The following GPHN variants were observed in gnomAD, a reference collection of about 807,000 sequenced individuals.
GPHN encodes gephyrin.
A neutral mutation model predicts 95.5 loss-of-function variants in GPHN; 17 were observed. The observed-to-expected ratio is 0.18, with a 90% CI of 0.12 to 0.27. GPHN has a LOEUF of 0.27. Among genes scored for constraint, GPHN ranks in the 10% least tolerant of loss-of-function variants. The probability of loss-of-function intolerance (pLI) is 1.00; values close to 1 mark genes in which losing one functional copy is unlikely to be tolerated. For synonymous variants in GPHN, 320 were observed against 322.5 expected (o/e 0.99, Z 0.08); for missense variants, 660 against 978.1 (o/e 0.67, Z 4.34).
At chr14:67,095,688 C>G (rs1272930747) in intron 12 of GPHN, among the ~76,000 whole-genome samples, 1 of 151,810 alleles carries the variant, frequency 6.6e-6, no homozygotes, top group Non-Finnish European at 1.5e-5. Flanking sequence ...GACAAAAAAC[C>G]AAACACCGCA....
At chr14:67,206,975 C>T in the GPHN span, among the ~76,000 whole-genome samples, 1 of 151,992 alleles carries the variant, frequency 6.6e-6, no homozygotes, top group Non-Finnish European at 1.5e-5. Flanking sequence ...AGTGATCCAC[C>T]CACCTTGGCA....
chr14:67,540,948 C>T, the GPHN span, among the ~76,000 whole-genome samples: 2 of 152,178 alleles, frequency 1.3e-5, no homozygotes, highest in Non-Finnish European at 2.9e-5. Context: ...CCTGGCTGGA[C>T]ATACTATAGG....
the GPHN span, chr14:67,199,363 C>T: frequency 1.9e-6 from 3 of 1,614,092 alleles, no homozygotes; most frequent in Non-Finnish European, 2.5e-6. Flanking sequence ...TAGGGGCCAA[C>T]ATTTTCAATG....
chr14:66,550,517 G>A (rs1384681659), intron 1 of GPHN, among the ~76,000 whole-genome samples: 1 of 152,184 alleles, frequency 6.6e-6, no homozygotes, highest in Non-Finnish European at 1.5e-5. Context: ...GACAACAAAG[G>A]GTTTTAATTA....
intron 1 of GPHN, among the ~76,000 whole-genome samples, chr14:66,628,621 T>C (rs769556033): frequency 1.3e-5 from 2 of 152,164 alleles, no homozygotes; most frequent in Non-Finnish European, 2.9e-5. Context: ...AAACAATGTA[T>C]ACTTAACTAC....
intron 11 of GPHN, among the ~76,000 whole-genome samples, chr14:67,074,147 A>G (rs2076409732): frequency 6.6e-6 from 1 of 151,824 alleles, no homozygotes; most frequent in Non-Finnish European, 1.5e-5. Flanking sequence ...TATGAATGTT[A>G]TACATGCATA....
At chr14:66,712,058 C>G (rs941545488) in intron 2 of GPHN, among the ~76,000 whole-genome samples, 82 of 152,168 alleles carry the variant, frequency 5.4e-4, no homozygotes, top group African/African-American at 1.9e-3. Flanking sequence ...CATACATGTG[C>G]ATATGTCTTT....
intron 3 of GPHN, among the ~76,000 whole-genome samples, chr14:66,778,638 A>G (rs1475778391): frequency 6.6e-6 from 1 of 151,866 alleles, no homozygotes. Context: ...AAACTTTTCA[A>G]TATCAAGTTC....
chr14:66,877,326 C>T (rs973736711), intron 4 of GPHN, among the ~76,000 whole-genome samples: 2 of 152,208 alleles, frequency 1.3e-5, no homozygotes, highest in Non-Finnish European at 2.9e-5. Flanking sequence ...AAAACTGGCA[C>T]TAGACAAGGA....
chr14:67,531,637 A>G, the GPHN span, among the ~76,000 whole-genome samples: 3 of 150,728 alleles, frequency 2.0e-5, no homozygotes, highest in African/African-American at 7.3e-5. Flanking sequence ...TTCTGGGCCG[A>G]GGTGCGGTGG....
At chr14:67,003,758 T>G (rs1380407811) in intron 9 of GPHN, among the ~76,000 whole-genome samples, 2 of 151,776 alleles carry the variant, frequency 1.3e-5, no homozygotes, top group African/African-American at 4.8e-5. Context: ...TTGCTGCCTC[T>G]TCCTGGTAAA....
intron 3 of GPHN, among the ~76,000 whole-genome samples, chr14:66,783,165 A>G (rs2153464849): frequency 6.6e-6 from 1 of 152,300 alleles, no homozygotes; most frequent in East Asian, 1.9e-4. Flanking sequence ...ACCAATGGAA[A>G]AACTGTTCAG....
At chr14:66,651,157 T>C (rs1261567333) in intron 1 of GPHN, among the ~76,000 whole-genome samples, 4 of 152,170 alleles carry the variant, frequency 2.6e-5, no homozygotes, top group Non-Finnish European at 5.9e-5. Flanking sequence ...TTTAGGAGAA[T>C]AGTTCTTTTC....
intron 4 of GPHN, among the ~76,000 whole-genome samples, chr14:66,838,437 A>G (rs2153505997): frequency 6.6e-6 from 1 of 152,272 alleles, no homozygotes; most frequent in Non-Finnish European, 1.5e-5. Flanking sequence ...AGAAAAGGAA[A>G]AAGAAATATC....
the GPHN span, among the ~76,000 whole-genome samples, chr14:67,469,500 G>C: frequency 7.2e-6 from 1 of 138,960 alleles, no homozygotes; most frequent in Non-Finnish European, 1.5e-5. Context: ...TGCCCAGGCT[G>C]GTCTCAAACT....
chr14:66,978,102 T>TA (rs1425152851), intron 9 of GPHN, among the ~76,000 whole-genome samples: 2 of 152,180 alleles, frequency 1.3e-5, no homozygotes, highest in Admixed American at 1.3e-4. Flanking sequence ...ATACCTTAAT[T>TA]AAAAAATACG....
At chr14:67,127,291 A>T (rs371136104) in intron 17 of GPHN, among the ~76,000 whole-genome samples, 26 of 152,126 alleles carry the variant, frequency 1.7e-4, no homozygotes, top group African/African-American at 6.0e-4. Context: ...AGGCTGCCAA[A>T]CTACCCAATT....
At chr14:66,805,820 G>A (rs769884307) in intron 3 of GPHN, among the ~76,000 whole-genome samples, 2 of 152,140 alleles carry the variant, frequency 1.3e-5, no homozygotes, top group Non-Finnish European at 1.5e-5. Flanking sequence ...CTGCTTTCAC[G>A]GGCTGGCATT....
At chr14:67,550,158 T>A in the GPHN span, among the ~76,000 whole-genome samples, 1 of 145,206 alleles carries the variant, frequency 6.9e-6, no homozygotes, top group Non-Finnish European at 1.5e-5. Flanking sequence ...GATCTGTTGC[T>A]AAAAAAAAAA....
Sources: gnomAD v4.1 joint callset for allele counts (sites outside exome capture counted in the v4.1 genomes callset) on GRCh38, gnomAD v4.1.1 for gene constraint, MANE v1.5 for transcripts, NCBI Gene and HGNC (gene_info 2026-07-23, HGNC 2026-07-21) for gene names.